GNG4: variants seen among roughly 807,000 people sequenced by gnomAD.
GNG4 encodes guanine nucleotide-binding protein G(I)/G(S)/G(O) subunit gamma-4.
A neutral mutation model predicts 5.8 loss-of-function variants in GNG4; 4 were observed. The observed-to-expected ratio is 0.69, with a 90% CI of 0.34 to 1.57. GNG4 has a LOEUF of 1.57. Among genes scored for constraint, GNG4 ranks in the 40% most tolerant of loss-of-function variants. The pLI is 0.06. For synonymous variants in GNG4, 29 were observed against 32.9 expected (o/e 0.88, Z 0.41); for missense variants, 96 against 95.1 (o/e 1.01, Z -0.04).
intron 1 of GNG4, among the ~76,000 whole-genome samples, chr1:235,631,565 T>C (rs183509806): frequency 3.4e-4 from 44 of 128,054 alleles, no homozygotes; most frequent in Non-Finnish European, 5.9e-4. Context: ...CTTTTTTCTT[T>C]TCTTTCTTTC....
chr1:235,649,079 C>T lies in GNG4; in HGVS notation c.-123+583G>A, dbSNP rs547590733. Reference sequence around the variant, plus strand: ...GAAGCACATTTCAGTTCAGCACCAGCCTCGGGGACAGACGCCATCAAGGAG... The same window carrying T: ...GAAGCACATTTCAGTTCAGCACCAGTCTCGGGGACAGACGCCATCAAGGAG... On this transcript the variant is annotated intron_variant, in intron 1 of 3. Transcript: ENST00000391854. This position sits in a 1 kb window ranked among gnomAD's most constrained non-coding sequence, Gnocchi z 5.7. Among the ~76,000 whole-genome samples the T allele has an allele frequency of 5.5e-4, 83 of 152,220 alleles. No homozygotes were observed. The highest frequency in any genetic ancestry group is 3.4e-3 in the Middle Eastern group (1 of 294).
chr1:235,601,205 G>C (rs1158063127), intron 1 of GNG4, among the ~76,000 whole-genome samples: 1 of 152,164 alleles, frequency 6.6e-6, no homozygotes, highest in Non-Finnish European at 1.5e-5. Context: ...TAGGCTGGTG[G>C]GCTGACATCT....
rs1413683212 is a variant in GNG4, at chr1:235,587,654, TTGG to T, written c.-10-3809_-10-3807del. Among the ~76,000 whole-genome samples, 8 of 2,508 alleles carry T rather than the reference TTGG, an allele frequency of 3.2e-3. 1 individual carries two copies. The highest frequency in any genetic ancestry group is 0.015 in the African/African-American group (8 of 550). The allele number at this position is 2,508 out of a possible 152,430, so 1.6% of individuals were successfully genotyped here. On this transcript the variant is annotated intron_variant, in intron 2 of 3. Transcript: ENST00000391854. ...GGTGGAGTGTGAGTGTGGGAGGGTG[TTGG>T]GTGTGTGTGTGACTGTGGGGTATGT...
Position 235,548,970 on chromosome 1 carries a change from A to G in GNG4, c.*3139T>C, listed in dbSNP as rs1412103081. 6.6e-6 allele frequency: 1 copy of G among 152,280 alleles called. No homozygotes were observed. Among genetic ancestry groups the G allele is most frequent in the Middle Eastern group, 3.1e-3 (1 of 318 alleles). The allele number at this position is 152,280 out of a possible 1,614,324, so 9.4% of individuals were successfully genotyped here. A position where few individuals can be genotyped will look rare whatever the true frequency, so the allele number is the denominator to read the frequency against. ...CACTTTGGGAGGCCAAGGCGGGCGG[A>G]TCACTTGAGGTCTGGGCTTCAAGAC... On this transcript the variant is annotated 3_prime_UTR_variant, in exon 4 of 4. Coordinates refer to ENST00000391854, the MANE Select transcript of GNG4 (RefSeq NM_001098722.2).
intron 3 of GNG4, among the ~76,000 whole-genome samples, chr1:235,564,729 AG>A (rs1264615760): frequency 6.6e-6 from 1 of 152,234 alleles, no homozygotes; most frequent in Non-Finnish European, 1.5e-5. Context: ...TCTGTTGCCC[AG>A]GCTGGAGTGC....
At position 235,580,435 on chromosome 1, in the gene GNG4, C is replaced by T. The variant is rs374123776; in HGVS notation, c.99+3305G>A. The stretch of plus-strand genomic sequence containing the variant: ...AAATTGTATGTTATATATATTTTAC[C>T]ACAACTAAAAAAATTAATGTTCAAG... On this transcript the variant is annotated intron_variant, in intron 3 of 3. Coordinates refer to ENST00000391854, the MANE Select transcript of GNG4 (RefSeq NM_001098722.2). 1.5e-4 allele frequency among the ~76,000 whole-genome samples: 23 copies of T among 152,118 alleles called. No individual in the cohort carries two copies. The East Asian group carries it at 4.1e-3, about 27-fold the overall frequency.
intron 2 of GNG4, among the ~76,000 whole-genome samples, chr1:235,592,089 C>T (rs1365015203): frequency 6.6e-6 from 1 of 152,228 alleles, no homozygotes; most frequent in African/African-American, 2.4e-5. Flanking sequence ...AAGATAACAT[C>T]TTAACATATG....
intron 3 of GNG4, among the ~76,000 whole-genome samples, chr1:235,559,805 C>CT (rs1326514005): frequency 6.6e-6 from 1 of 152,206 alleles, no homozygotes; most frequent in Non-Finnish European, 1.5e-5. Context: ...TCAGCATAGG[C>CT]TTTTTTTCCA....
rs565112573 is a variant in GNG4, at chr1:235,644,747, G to A, written c.-123+4915C>T. On this transcript the variant is annotated intron_variant, in intron 1 of 3. Transcript: ENST00000391854. The surrounding 1 kb of genome is among the most constrained non-coding windows in gnomAD (Gnocchi z 5.9). ...TAGTCGGCCACAGGCTAGGGGCAGC[G>A]GAAAGGCCCTGCTGGAAATTTCCAT... Among the ~76,000 whole-genome samples, 45 of 152,340 alleles carry A rather than the reference G, an allele frequency of 3.0e-4. No homozygotes were observed. Among genetic ancestry groups the A allele is most frequent in the Admixed American group, 2.0e-3 (31 of 15,304 alleles).
chr1:235,624,125 C>T (rs1277530951), intron 1 of GNG4, among the ~76,000 whole-genome samples: 72 of 146,350 alleles, frequency 4.9e-4, no homozygotes, highest in East Asian at 1.6e-3. Context: ...TTTTTTGAGA[C>T]GGAGTCTCGC....
chr1:235,579,390 G>A, intron 3 of GNG4, among the ~76,000 whole-genome samples: 1 of 143,800 alleles, frequency 7.0e-6, no homozygotes, highest in Non-Finnish European at 1.5e-5. Flanking sequence ...ATTTTTACTT[G>A]TCAAAGTAAA....
At position 235,592,716 on chromosome 1, in the gene GNG4, AC is replaced by A. The variant is rs567562968; in HGVS notation, c.-11+2683del. Among the ~76,000 whole-genome samples the A allele has an allele frequency of 5.3e-5, 8 of 152,206 alleles. No individual in the cohort carries two copies. The South Asian group carries it at 1.7e-3, about 32-fold the overall frequency. On this transcript the variant is annotated intron_variant, in intron 2 of 3. Coordinates refer to ENST00000391854, the MANE Select transcript of GNG4 (RefSeq NM_001098722.2). ...CCTTTTCGGTCAAAACCACTGTGCA[AC>A]CGCCATGTGTCGATTTTACAATCTT...
chr1:235,594,640 C>T (rs1011849703), intron 2 of GNG4, among the ~76,000 whole-genome samples: 1 of 152,212 alleles, frequency 6.6e-6, no homozygotes, highest in Non-Finnish European at 1.5e-5. Context: ...GGTGCTAAGC[C>T]CCTCACTGCC....
At chr1:235,559,812 T>C (rs1347508436) in intron 3 of GNG4, among the ~76,000 whole-genome samples, 2 of 152,254 alleles carry the variant, frequency 1.3e-5, no homozygotes, top group Non-Finnish European at 2.9e-5. Flanking sequence ...AGGCTTTTTT[T>C]CCACATCAAA....
intron 1 of GNG4, among the ~76,000 whole-genome samples, chr1:235,607,699 C>T (rs776523144): frequency 3.3e-5 from 5 of 152,194 alleles, no homozygotes; most frequent in Admixed American, 6.5e-5. Context: ...CCCATCGGCA[C>T]GGCTTTTCAG....
At chr1:235,606,406 C>G (rs1186382026) in intron 1 of GNG4, among the ~76,000 whole-genome samples, 1 of 151,862 alleles carries the variant, frequency 6.6e-6, no homozygotes, top group Admixed American at 6.6e-5. Flanking sequence ...TCAAACAGAC[C>G]AATGAGGAAA....
chr1:235,628,040 C>T (rs974011479), intron 1 of GNG4, among the ~76,000 whole-genome samples: 1 of 152,072 alleles, frequency 6.6e-6, no homozygotes, highest in Non-Finnish European at 1.5e-5. Flanking sequence ...ATTAGCTGGG[C>T]GTGGTGGCAC....
rs202077233 is a variant in GNG4, at chr1:235,590,453, G to GA, written c.-11+4946dup. Among the ~76,000 whole-genome samples, 437 of 150,258 alleles carry GA rather than the reference G, an allele frequency of 2.9e-3. 1 individual carries two copies. The highest frequency in any genetic ancestry group is 8.7e-3 in the African/African-American group (358 of 40,918). On this transcript the variant is annotated intron_variant, in intron 2 of 3. Coordinates refer to ENST00000391854, the MANE Select transcript of GNG4 (RefSeq NM_001098722.2). The stretch of plus-strand genomic sequence containing the variant: ...CTGGGTGACAGAGTGAGACTGTCTG[G>GA]AAAAAAAAAGAAGGTGGAGAGGTAA...
chr1:235,630,245 G>A (rs571896233), intron 1 of GNG4, among the ~76,000 whole-genome samples: 1 of 152,240 alleles, frequency 6.6e-6, no homozygotes, highest in East Asian at 1.9e-4. Context: ...AAAAGAGGCT[G>A]GTCATCTTTC....
Sources: allele counts gnomAD v4.1 joint callset (sites outside exome capture counted in the v4.1 genomes callset), GRCh38; gene constraint gnomAD v4.1.1; non-coding constraint Gnocchi (gnomAD v3.1); transcripts MANE v1.5; gene names NCBI Gene and HGNC (gene_info 2026-07-23, HGNC 2026-07-21).